The following RMDN1 variants were observed in gnomAD, a reference collection of about 807,000 sequenced individuals.
RMDN1 encodes the protein regulator of microtubule dynamics 1.
A neutral mutation model predicts 48.9 loss-of-function variants in RMDN1; 48 were observed. The ratio of observed to expected loss-of-function variants is 0.98; its 90% confidence interval spans 0.78 to 1.25. The LOEUF (loss-of-function observed/expected upper bound fraction) is 1.25. Ranked by LOEUF, RMDN1 falls within the 50% of genes most tolerant of loss-of-function variation. RMDN1 has a pLI of 0.00. For missense variants in RMDN1, 418 were observed against 373.4 expected (o/e 1.12, Z -0.98); for synonymous variants, 148 against 132.6 (o/e 1.12, Z -0.80).
At chr8:86,508,310 G>C in intron 1 of RMDN1, 182 bp downstream of exon 1, 3 of 600,514 alleles carry the variant, frequency 5.0e-6, no homozygotes, top group Non-Finnish European at 5.5e-6. Flanking sequence ...CCCAGTTAAG[G>C]ATAGTGGAGG....
Position 86,508,503 on chromosome 8 carries a change from G to C in RMDN1, c.118C>G (p.Arg40Gly). The C allele has an allele frequency of 6.4e-7, 1 of 1,554,446 alleles. No homozygotes were observed. Among genetic ancestry groups the C allele is most frequent in the Non-Finnish European group, 8.7e-7 (1 of 1,150,876 alleles). Reference sequence around the variant, plus strand: ...GACCACGGGGGTACCTCGAAGCCGCGGAATCGACAGGGGCCGCAATGCCCG... The same window carrying C: ...GACCACGGGGGTACCTCGAAGCCGCCGAATCGACAGGGGCCGCAATGCCCG... ...SRGHCGPCRF[R>G]GFEVMGNPGT... The change falls in exon 1 of 10, where the codon CGC becomes GGC. Residue 40 changes from arginine to glycine, a missense_variant. Arg to Gly is a moderately radical substitution (Grantham distance 125). Coordinates refer to ENST00000406452, the MANE Select transcript of RMDN1 (RefSeq NM_016033.3).
chr8:86,492,035 G>A (rs1816589428), intron 2 of RMDN1, among the ~76,000 whole-genome samples: 1 of 152,110 alleles, frequency 6.6e-6, no homozygotes, highest in African/African-American at 2.4e-5. Flanking sequence ...ACCAGCAACA[G>A]TGCAACCAAA....
chr8:86,499,678 T>C (rs1586744788), intron 2 of RMDN1, among the ~76,000 whole-genome samples: 1 of 138,468 alleles, frequency 7.2e-6, no homozygotes, highest in Non-Finnish European at 1.6e-5. Context: ...TTTCACAGAG[T>C]TACAAAAAAC....
intron 2 of RMDN1, among the ~76,000 whole-genome samples, chr8:86,495,804 AC>A (rs1447640098): frequency 3.9e-5 from 6 of 152,052 alleles, no homozygotes; most frequent in Non-Finnish European, 1.5e-5. Flanking sequence ...AATGCAGAGA[AC>A]CCCTACAAGA....
At chr8:86,479,813 G>A (rs1238842876) in intron 6 of RMDN1, among the ~76,000 whole-genome samples, 1 of 152,014 alleles carries the variant, frequency 6.6e-6, no homozygotes, top group African/African-American at 2.4e-5. Context: ...CATCAAGTAC[G>A]TAACACTTTG....
intron 5 of RMDN1, chr8:86,481,903 G>C: frequency 2.6e-6 from 2 of 781,568 alleles, no homozygotes; most frequent in Non-Finnish European, 4.2e-6. Flanking sequence ...ACAAAGTGGG[G>C]TGGCTCGGCC....
chr8:86,475,121 AAAT>A (rs1813152419), intron 8 of RMDN1, 168 bp from the exon 9 acceptor site: 1 of 531,362 alleles, frequency 1.9e-6, no homozygotes, highest in Admixed American at 3.8e-5. Context: ...AATATTTGTA[AAAT>A]AATAATTACC....
chr8:86,471,213 C>CTAAT (rs1457314214), downstream of RMDN1, among the ~76,000 whole-genome samples: 7 of 134,572 alleles, frequency 5.2e-5, no homozygotes, highest in Non-Finnish European at 1.1e-4. Context: ...TTTTAAAGTT[C>CTAAT]TAATAAGGAA....
upstream of RMDN1, among the ~76,000 whole-genome samples, chr8:86,511,483 AAAAG>A (rs1820042642): frequency 6.6e-6 from 1 of 151,650 alleles, no homozygotes; most frequent in Non-Finnish European, 1.5e-5. Context: ...AAAGAAAAAA[AAAAG>A]AGAGAGAAAA....
At position 86,496,301 on chromosome 8, in the gene RMDN1, T is replaced by C. The variant is rs138562888; in HGVS notation, c.248-7662A>G. Among the ~76,000 whole-genome samples the C allele has an allele frequency of 1.8e-3, 280 of 152,336 alleles. 1 individual carries two copies. Among genetic ancestry groups the C allele is most frequent in the Middle Eastern group, 6.8e-3 (2 of 294 alleles). On this transcript the variant is annotated intron_variant, in intron 2 of 9. Transcript: ENST00000406452. ...AGGATTAAATTCTCACATATCAGTA[T>C]GGACCTTGAATGTATACAGGCTAAA... is the stretch of plus-strand genomic sequence containing the variant.
At chr8:86,475,909 G>C (rs1035319827) in intron 8 of RMDN1, among the ~76,000 whole-genome samples, 68 of 152,258 alleles carry the variant, frequency 4.5e-4, no homozygotes, top group Admixed American at 4.0e-3. Context: ...CAAGCATTGT[G>C]CCAAGTAATG....
chr8:86,481,560 C>CTTTTT (rs71275857), intron 5 of RMDN1, among the ~76,000 whole-genome samples: 12 of 104,484 alleles, frequency 1.1e-4, no homozygotes, highest in Non-Finnish European at 1.9e-4. Flanking sequence ...ATTAATTTTC[C>CTTTTT]TTTTTTTTTT....
intron 2 of RMDN1, among the ~76,000 whole-genome samples, chr8:86,490,396 G>A (rs970463685): frequency 6.6e-6 from 1 of 152,172 alleles, no homozygotes; most frequent in Non-Finnish European, 1.5e-5. Context: ...AAAGAGGAAG[G>A]CAAAAGTCAG....
At chr8:86,499,964 C>T (rs898907597) in intron 2 of RMDN1, among the ~76,000 whole-genome samples, 1 of 152,122 alleles carries the variant, frequency 6.6e-6, no homozygotes, top group African/African-American at 2.4e-5. Flanking sequence ...ATAAATGGTG[C>T]TGGGATAACT....
At chr8:86,503,394 A>ACAAAACAAAAC (rs368931753) in intron 2 of RMDN1, among the ~76,000 whole-genome samples, 7,296 of 131,408 alleles carry the variant, frequency 0.056, 500 homozygotes, top group Non-Finnish European at 0.086. Context: ...AAAAAACAAA[A>ACAAAACAAAAC]AAAAATAACA....
chr8:86,469,624 T>C (rs13272148), downstream of RMDN1, among the ~76,000 whole-genome samples: 41,252 of 152,106 alleles, frequency 0.27, 6,468 homozygotes, highest in East Asian at 0.54. Flanking sequence ...TGTAGACTTA[T>C]TAAGTCTGAA....
intron 7 of RMDN1, 146 bp from the exon 8 acceptor site, chr8:86,477,470 G>A: frequency 3.3e-6 from 2 of 600,096 alleles, no homozygotes; most frequent in Non-Finnish European, 5.8e-6. Flanking sequence ...CTTCAACAGT[G>A]AGAGTTAACA....
At chr8:86,486,901 C>T (rs1312797300) in intron 3 of RMDN1, among the ~76,000 whole-genome samples, 1 of 150,918 alleles carries the variant, frequency 6.6e-6, no homozygotes, top group Non-Finnish European at 1.5e-5. Flanking sequence ...TCAAAAATAT[C>T]TTTGCATTCA....
At position 86,504,761 on chromosome 8, in the gene RMDN1, G is replaced by A. The variant is rs1256578574; in HGVS notation, c.247+2234C>T. ...TTATTGTGGCCGAACTCTTCAGCCA[G>A]GGCCCCCGCCCAGCTGCGACTGCAA... is the stretch of plus-strand genomic sequence containing the variant. On this transcript the variant is annotated intron_variant, in intron 2 of 9. Coordinates refer to ENST00000406452, the MANE Select transcript of RMDN1 (RefSeq NM_016033.3). 8 of 1,051,190 alleles carry A rather than the reference G, an allele frequency of 7.6e-6. No homozygotes were observed. In the African/African-American group the frequency reaches 7.8e-5, roughly 10 times the overall value. The allele number at this position is 1,051,190 out of a possible 1,614,324, so 65.1% of individuals were successfully genotyped here. A position where few individuals can be genotyped will look rare whatever the true frequency, so the allele number is the denominator to read the frequency against.
Sources: allele counts gnomAD v4.1 joint callset (sites outside exome capture counted in the v4.1 genomes callset), GRCh38; gene constraint gnomAD v4.1.1; transcripts MANE v1.5; gene names NCBI Gene and HGNC (gene_info 2026-07-23, HGNC 2026-07-21).